Variants in MICU1 observed in about 807,000 individuals in gnomAD.
The protein encoded by MICU1 is mitochondrial calcium uptake 1.
MICU1 carries 45 observed loss-of-function variants against 56.8 expected under a neutral mutation model. The ratio of observed to expected loss-of-function variants is 0.79; its 90% CI spans 0.62 to 1.02. MICU1 has a LOEUF of 1.02. MICU1 is among the 50% of genes least tolerant of loss of function. The pLI is 0.00. For missense variants in MICU1, 504 were observed against 587.1 expected, an observed-to-expected ratio of 0.86 and a Z score of 1.46; for synonymous variants, 186 against 195.1, an observed-to-expected ratio of 0.95 and a Z score of 0.39.
chr10:72,543,805 G>C (rs139200407), intron 4 of MICU1, among the ~76,000 whole-genome samples: 1 of 151,274 alleles, frequency 6.6e-6, no homozygotes, highest in African/African-American at 2.4e-5. Context: ...AGCTGAGATC[G>C]CACCAGTGCA....
At chr10:72,398,599 G>A (rs1863345633) in intron 10 of MICU1, among the ~76,000 whole-genome samples, 1 of 152,088 alleles carries the variant, frequency 6.6e-6, no homozygotes, top group South Asian at 2.1e-4. Context: ...AGTAAGAAAT[G>A]ATAACGGGGA....
At chr10:72,518,339 T>C (rs1213624819) in intron 5 of MICU1, among the ~76,000 whole-genome samples, 1 of 152,064 alleles carries the variant, frequency 6.6e-6, no homozygotes, top group Non-Finnish European at 1.5e-5. Context: ...TGGCCTGTTT[T>C]CTTTTTTAAA....
At chr10:72,464,295 CAAAA>C (rs58499998) in intron 8 of MICU1, among the ~76,000 whole-genome samples, 1,256 of 99,884 alleles carry the variant, frequency 0.013, 12 homozygotes, top group African/African-American at 0.052. Flanking sequence ...GATTCTGTCT[CAAAA>C]AAAAAAAAAA....
intron 6 of MICU1, among the ~76,000 whole-genome samples, chr10:72,482,839 A>G (rs1222619684): frequency 4.4e-5 from 1 of 22,972 alleles, no homozygotes; most frequent in Non-Finnish European, 1.4e-4. Flanking sequence ...ATATATACAT[A>G]TATATATATA....
At chr10:72,561,418 C>G (rs1840292137) in intron 3 of MICU1, among the ~76,000 whole-genome samples, 1 of 152,302 alleles carries the variant, frequency 6.6e-6, no homozygotes, top group South Asian at 2.1e-4. Flanking sequence ...TGTATCCTGA[C>G]AGAAAAACAA....
At chr10:72,617,528 T>A (rs1432804527) in intron 1 of MICU1, among the ~76,000 whole-genome samples, 2 of 152,128 alleles carry the variant, frequency 1.3e-5, no homozygotes, top group Non-Finnish European at 2.9e-5. Flanking sequence ...TTGCTGGGCA[T>A]GGGGGCTGAC....
intron 9 of MICU1, among the ~76,000 whole-genome samples, chr10:72,411,592 AAGTGCTGGGATTAC>A (rs1863817738): frequency 6.6e-6 from 1 of 152,028 alleles, no homozygotes; most frequent in South Asian, 2.1e-4. Context: ...CGGCCTCCCA[AAGTGCTGGGATTAC>A]AGTTACTTTT....
chr10:72,509,361 C>T (rs1453426667), intron 5 of MICU1: 1 of 1,332,414 alleles, frequency 7.5e-7, no homozygotes, highest in Middle Eastern at 2.1e-4. Context: ...AGCACCATCA[C>T]ACCAGCATCC....
rs1432198639 is a variant in MICU1, at chr10:72,477,260, C to T, written c.653-4G>A. On this transcript the variant is annotated splice_region_variant and splice_polypyrimidine_tract_variant and intron_variant, in intron 6 of 11. Coordinates refer to ENST00000361114, the MANE Select transcript of MICU1 (RefSeq NM_001195518.2). Reference sequence around the variant, plus strand: ...ATTTCAAAATTTCTCTGAGGAGCTGCAGAGGAGAGAAAAAAAATATTTAGA... The same window carrying T: ...ATTTCAAAATTTCTCTGAGGAGCTGTAGAGGAGAGAAAAAAAATATTTAGA... 6.5e-7 allele frequency: 1 copy of T among 1,531,288 alleles called. No homozygotes were observed. Among genetic ancestry groups the T allele is most frequent in the Admixed American group, 2.2e-5 (1 of 45,400 alleles). 94.9% of individuals were successfully genotyped at this position (1,531,288 alleles called of 1,614,324 possible).
chr10:72,506,509 C>A (rs550434368), intron 6 of MICU1, among the ~76,000 whole-genome samples: 1 of 152,150 alleles, frequency 6.6e-6, no homozygotes, highest in East Asian at 1.9e-4. Context: ...TTTAAAAATT[C>A]CCACCAATTT....
rs530706587 is a variant in MICU1, at chr10:72,405,804, G to C, written c.1180+2125C>G. On this transcript the variant is annotated intron_variant, in intron 10 of 11. Coordinates refer to ENST00000361114, the MANE Select transcript of MICU1 (RefSeq NM_001195518.2). Reference sequence around the variant, plus strand: ...TTGACAAAATACAGGAGCCATTGATGACAAAAACCCTTTTCAAATAACAGA... The same window carrying C: ...TTGACAAAATACAGGAGCCATTGATCACAAAAACCCTTTTCAAATAACAGA... Among the ~76,000 whole-genome samples the C allele has an allele frequency of 2.6e-5, 4 of 152,120 alleles. No homozygotes were observed. In the South Asian group the frequency reaches 8.3e-4, roughly 32 times the overall value.
At chr10:72,488,210 A>G (rs1866538566) in intron 6 of MICU1, among the ~76,000 whole-genome samples, 1 of 151,386 alleles carries the variant, frequency 6.6e-6, no homozygotes, top group Non-Finnish European at 1.5e-5. Flanking sequence ...AAAAAAAGAA[A>G]AAAAAATTAA....
intron 1 of MICU1, among the ~76,000 whole-genome samples, chr10:72,570,795 G>GC (rs1355611922): frequency 6.6e-6 from 1 of 151,324 alleles, no homozygotes; most frequent in Non-Finnish European, 1.5e-5. Context: ...TCATTTTATT[G>GC]CACATACTCT....
At chr10:72,571,318 T>C (rs1290597029) in intron 1 of MICU1, among the ~76,000 whole-genome samples, 1 of 152,114 alleles carries the variant, frequency 6.6e-6, no homozygotes, top group Non-Finnish European at 1.5e-5. Flanking sequence ...GAGCCGAGAT[T>C]GTACCACTGC....
intron 1 of MICU1, among the ~76,000 whole-genome samples, chr10:72,578,076 G>A (rs1840796040): frequency 6.6e-6 from 1 of 152,092 alleles, no homozygotes; most frequent in Non-Finnish European, 1.5e-5. Flanking sequence ...AATCTTTTGT[G>A]AAAGAAAAAG....
chr10:72,569,227 A>T (rs1176230505), intron 1 of MICU1, among the ~76,000 whole-genome samples: 1,372 of 40,478 alleles, frequency 0.034, 152 homozygotes, highest in African/African-American at 0.14. Flanking sequence ...ATATATATAT[A>T]TATATATATA....
At chr10:72,573,405 C>T (rs2132490756) in intron 1 of MICU1, among the ~76,000 whole-genome samples, 1 of 149,684 alleles carries the variant, frequency 6.7e-6, no homozygotes, top group Admixed American at 6.6e-5. Flanking sequence ...AATAAGAACG[C>T]ATATGTACTT....
chr10:72,601,447 AAG>A (rs1329015397), intron 1 of MICU1, among the ~76,000 whole-genome samples: 9 of 150,856 alleles, frequency 6.0e-5, no homozygotes, highest in African/African-American at 2.2e-4. Context: ...AAAAAAAAAA[AAG>A]GAAAGAAAAG....
chr10:72,424,970 T>G (rs1864300372), intron 8 of MICU1, among the ~76,000 whole-genome samples: 1 of 152,230 alleles, frequency 6.6e-6, no homozygotes, highest in African/African-American at 2.4e-5. Flanking sequence ...ACACCATCTT[T>G]CTATAGAGCT....
Sources: gnomAD v4.1 joint callset for allele counts (sites outside exome capture counted in the v4.1 genomes callset) on GRCh38, gnomAD v4.1.1 for gene constraint, MANE v1.5 for transcripts, NCBI Gene and HGNC (gene_info 2026-07-23, HGNC 2026-07-21) for gene names.